Variants in FAAH2 observed in about 807,000 individuals in gnomAD.
FAAH2 encodes the protein fatty-acid amide hydrolase 2.
Under a neutral mutation model 36.9 loss-of-function variants are expected in FAAH2, and 60 were observed. The observed-to-expected ratio is 1.63, with a 90% CI of 1.32 to 2.02. The LOEUF (loss-of-function observed/expected upper bound fraction) is 2.02, where lower values mean the gene tolerates loss of function less well. FAAH2 is among the 30% of genes most tolerant of loss of function. The probability of loss-of-function intolerance (pLI) is 0.00; values close to 1 mark genes in which losing one functional copy is unlikely to be tolerated. For missense variants in FAAH2, 689 were observed against 397.5 expected (o/e 1.73, Z -6.23); for synonymous variants, 214 against 143.8 (o/e 1.49, Z -3.49).
At chrX:57,228,142 C>A in the FAAH2 span, among the ~76,000 whole-genome samples, 1 of 112,194 alleles carries the variant, frequency 8.9e-6, no homozygotes, top group Admixed American at 9.4e-5. Context: ...GCGCCCTCCC[C>A]TGAGTTCTGG....
chrX:57,376,451 T>G (rs1161457934), intron 5 of FAAH2, among the ~76,000 whole-genome samples: 2 of 111,188 alleles, frequency 1.8e-5, no homozygotes, highest in Non-Finnish European at 3.8e-5. Context: ...ATGTTCTCAT[T>G]GTTCAACTCC....
At chrX:57,468,616 G>C (rs890938075) in intron 10 of FAAH2, among the ~76,000 whole-genome samples, 2 of 111,975 alleles carry the variant, frequency 1.8e-5, no homozygotes, top group Non-Finnish European at 3.8e-5. Flanking sequence ...CCAAATCTAC[G>C]TCTGACTGGT....
the FAAH2 span, among the ~76,000 whole-genome samples, chrX:57,218,567 T>C: frequency 8.9e-6 from 1 of 112,051 alleles, no homozygotes; most frequent in South Asian, 3.8e-4. Context: ...TTGTGGTGGA[T>C]TACCTTTTAG....
chrX:57,170,168 G>T, the FAAH2 span, among the ~76,000 whole-genome samples: 14 of 111,839 alleles, frequency 1.3e-4, no homozygotes, highest in African/African-American at 4.6e-4. Context: ...ACTGGGTTTT[G>T]CCATGTTGCC....
At chrX:57,466,156 C>CTCTCTCTCTATATA (rs1287266105) in intron 10 of FAAH2, among the ~76,000 whole-genome samples, 136 of 66,376 alleles carry the variant, frequency 2.0e-3, no homozygotes, top group Non-Finnish European at 2.9e-3. Context: ...CTCTCTCTCT[C>CTCTCTCTCTATATA]TATATATATA....
intron 7 of FAAH2, among the ~76,000 whole-genome samples, chrX:57,400,349 T>C (rs770986788): frequency 4.4e-5 from 5 of 112,361 alleles, no homozygotes; most frequent in Non-Finnish European, 9.4e-5. Context: ...ACTACATCAA[T>C]TTCCTTACTC....
At chrX:57,405,066 A>G (rs1163632609) in intron 7 of FAAH2, among the ~76,000 whole-genome samples, 2 of 112,117 alleles carry the variant, frequency 1.8e-5, no homozygotes, top group African/African-American at 6.5e-5. Context: ...TTCAGTGGCC[A>G]TGCTAATCGT....
chrX:57,307,055 G>T (rs1205931897), intron 2 of FAAH2, among the ~76,000 whole-genome samples: 1 of 73,365 alleles, frequency 1.4e-5, no homozygotes, highest in African/African-American at 4.3e-5. Flanking sequence ...CACCAATAGG[G>T]TTATATGCAT....
chrX:57,182,285 A>G, the FAAH2 span, among the ~76,000 whole-genome samples: 7 of 112,339 alleles, frequency 6.2e-5, no homozygotes, highest in African/African-American at 2.3e-4. Flanking sequence ...AACAGAGTAA[A>G]CAGACAATTT....
At chrX:57,159,362 T>C in the FAAH2 span, among the ~76,000 whole-genome samples, 10 of 111,990 alleles carry the variant, frequency 8.9e-5, no homozygotes. Context: ...AGTAGTTTTT[T>C]CCAATTCTAT....
At chrX:57,299,244 A>G (rs986535494) in intron 2 of FAAH2, among the ~76,000 whole-genome samples, 1 of 111,991 alleles carries the variant, frequency 8.9e-6, no homozygotes, top group African/African-American at 3.2e-5. Flanking sequence ...ACACATGAAA[A>G]AACTTATCCA....
chrX:57,350,921 A>T (rs180985288), intron 5 of FAAH2, among the ~76,000 whole-genome samples: 1 of 111,559 alleles, frequency 9.0e-6, no homozygotes, highest in Non-Finnish European at 1.9e-5. Context: ...TCACAATATT[A>T]GGCAGATTGT....
intron 3 of FAAH2, among the ~76,000 whole-genome samples, chrX:57,320,702 A>G (rs924684643): frequency 8.9e-6 from 1 of 112,892 alleles, no homozygotes; most frequent in Non-Finnish European, 1.9e-5. Context: ...TCATTCTACT[A>G]TAAAGCAACA....
rs774629163 is a variant in FAAH2, at chrX:57,370,551, G to T, written c.743-8100G>T. On this transcript the variant is annotated intron_variant, in intron 5 of 10. Coordinates refer to ENST00000374900, the MANE Select transcript of FAAH2 (RefSeq NM_174912.4). ...GGGGACTTCATTCACTTTCAGCAAT[G>T]AAATGATTATCTAGGCACAAAATTA... Among the ~76,000 whole-genome samples the T allele has an allele frequency of 5.4e-5, 6 of 111,743 alleles. No individual in the cohort carries two copies. In the East Asian group the frequency reaches 1.4e-3, roughly 26 times the overall value.
At chrX:57,472,850 C>T (rs1004466150) in intron 10 of FAAH2, among the ~76,000 whole-genome samples, 5 of 111,312 alleles carry the variant, frequency 4.5e-5, no homozygotes, top group African/African-American at 1.6e-4. Flanking sequence ...TTTGGTATTT[C>T]TATGGCATAA....
At chrX:57,402,442 T>A (rs776075123) in intron 7 of FAAH2, among the ~76,000 whole-genome samples, 2 of 111,882 alleles carry the variant, frequency 1.8e-5, no homozygotes, top group Non-Finnish European at 3.8e-5. Flanking sequence ...ATTGGTCCTG[T>A]TCCACCTGTT....
At chrX:57,390,959 C>CT (rs1167993813) in intron 7 of FAAH2, among the ~76,000 whole-genome samples, 2 of 111,317 alleles carry the variant, frequency 1.8e-5, no homozygotes, top group Admixed American at 9.6e-5. Flanking sequence ...ATAAGCATTC[C>CT]TTTTTTTCTG....
chrX:57,240,890 C>G, the FAAH2 span, among the ~76,000 whole-genome samples: 226 of 112,386 alleles, frequency 2.0e-3, 1 homozygote, highest in African/African-American at 6.9e-3. Context: ...TAGGGGGATG[C>G]TCAGATCACA....
chrX:57,352,839 C>A (rs1346048242), intron 5 of FAAH2, among the ~76,000 whole-genome samples: 1 of 110,646 alleles, frequency 9.0e-6, no homozygotes, highest in Non-Finnish European at 1.9e-5. Flanking sequence ...AGCATGAAGG[C>A]AATCTCATTT....
Sources: gnomAD v4.1 joint callset for allele counts (sites outside exome capture counted in the v4.1 genomes callset) on GRCh38, gnomAD v4.1.1 for gene constraint, MANE v1.5 for transcripts, NCBI Gene and HGNC (gene_info 2026-07-23, HGNC 2026-07-21) for gene names.